Variants in CADM2 observed in about 807,000 individuals in gnomAD.
CADM2 encodes cell adhesion molecule 2.
CADM2 carries 12 observed loss-of-function variants against 49.8 expected under a neutral mutation model. The observed-to-expected ratio is 0.24, with a 90% CI of 0.15 to 0.39. CADM2 has a LOEUF of 0.39. CADM2 is among the 10% of genes least tolerant of loss of function. The probability of loss-of-function intolerance (pLI) is 1.00; values close to 1 mark genes in which losing one functional copy is unlikely to be tolerated. For missense variants in CADM2, 378 were observed against 492.3 expected (o/e 0.77, Z 2.20); for synonymous variants, 214 against 175.4 (o/e 1.22, Z -1.74).
At chr3:85,197,141 A>G (rs1395747615) in intron 1 of CADM2, among the ~76,000 whole-genome samples, 2 of 151,866 alleles carry the variant, frequency 1.3e-5, no homozygotes, top group Non-Finnish European at 2.9e-5. Flanking sequence ...GAAGAATCAA[A>G]TGTATTGTGC....
At chr3:85,565,565 A>C (rs1031231140) in intron 1 of CADM2, among the ~76,000 whole-genome samples, 5 of 152,106 alleles carry the variant, frequency 3.3e-5, no homozygotes, top group African/African-American at 1.2e-4. Flanking sequence ...TCCACCATAA[A>C]AAAATACCTT....
chr3:85,011,605 T>C (rs1466897403), intron 1 of CADM2, among the ~76,000 whole-genome samples: 1 of 152,174 alleles, frequency 6.6e-6, no homozygotes, highest in Non-Finnish European at 1.5e-5. Context: ...GTCAGTAGAA[T>C]TTAGCAATCT....
chr3:85,767,196 A>G (rs2069701117), intron 2 of CADM2, among the ~76,000 whole-genome samples: 1 of 152,164 alleles, frequency 6.6e-6, no homozygotes, highest in Admixed American at 6.6e-5. Flanking sequence ...AGTTCACTCT[A>G]GTGATTTAAA....
intron 1 of CADM2, among the ~76,000 whole-genome samples, chr3:85,545,626 T>C (rs1344471290): frequency 6.6e-6 from 1 of 152,192 alleles, no homozygotes; most frequent in Non-Finnish European, 1.5e-5. Flanking sequence ...CTAGATGCTC[T>C]GAAACTATGA....
intron 3 of CADM2, among the ~76,000 whole-genome samples, chr3:85,881,442 A>C (rs1712758100): frequency 6.6e-6 from 1 of 152,074 alleles, no homozygotes; most frequent in South Asian, 2.1e-4. Flanking sequence ...TAGTATGACT[A>C]GTAAGTTTTT....
At chr3:85,240,081 G>A (rs1056965650) in intron 1 of CADM2, among the ~76,000 whole-genome samples, 8 of 151,206 alleles carry the variant, frequency 5.3e-5, no homozygotes, top group African/African-American at 1.7e-4. Context: ...CTTTGGTTTG[G>A]TATCATTCAT....
At chr3:85,304,319 G>A (rs2044165592) in intron 1 of CADM2, among the ~76,000 whole-genome samples, 1 of 151,568 alleles carries the variant, frequency 6.6e-6, no homozygotes, top group Non-Finnish European at 1.5e-5. Flanking sequence ...AGTTTCAAAC[G>A]GTATATCATA....
chr3:85,855,604 TATATATATATATAAA>T (rs2075280772), intron 3 of CADM2, among the ~76,000 whole-genome samples: 1 of 39,234 alleles, frequency 2.5e-5, no homozygotes, highest in African/African-American at 9.5e-5. Flanking sequence ...ATATAAAACA[TATATATATATATAAA>T]ACATATATAT....
In CADM2 at chr3:85,386,565, CA is replaced by C. The variant is rs2034244380; in HGVS notation, c.62-339954del. On this transcript the variant is annotated intron_variant, in intron 1 of 9. Coordinates refer to ENST00000383699, the MANE Select transcript of CADM2 (RefSeq NM_001167675.2). ...CAGCTAGAATATAAAAACAGAATTT[CA>C]AACCTGGGCTGTGCTTCTCACTGAC... 5.9e-5 allele frequency among the ~76,000 whole-genome samples: 9 copies of C among 152,304 alleles called. No individual in the cohort carries two copies. In the South Asian group the frequency reaches 1.9e-3, roughly 32 times the overall value.
intron 8 of CADM2, among the ~76,000 whole-genome samples, chr3:86,032,284 A>G (rs1734646218): frequency 6.6e-6 from 1 of 151,830 alleles, no homozygotes; most frequent in Admixed American, 6.6e-5. Flanking sequence ...TATGCCAGTT[A>G]TCAAACAGGT....
intron 3 of CADM2, among the ~76,000 whole-genome samples, chr3:85,816,369 A>G (rs2073203918): frequency 6.6e-6 from 1 of 152,062 alleles, no homozygotes; most frequent in Non-Finnish European, 1.5e-5. Flanking sequence ...TTCAGCTTAT[A>G]ATAGGTGCCT....
intron 2 of CADM2, among the ~76,000 whole-genome samples, chr3:85,749,149 T>C (rs1037104760): frequency 3.3e-5 from 5 of 152,022 alleles, no homozygotes; most frequent in Non-Finnish European, 7.4e-5. Context: ...AACAGGTGTA[T>C]ACTTTTGAAA....
chr3:85,227,655 T>C (rs1365015755), intron 1 of CADM2, among the ~76,000 whole-genome samples: 1 of 152,142 alleles, frequency 6.6e-6, no homozygotes, highest in Non-Finnish European at 1.5e-5. Context: ...AATTTTGTTA[T>C]GTGTGAATTT....
intron 2 of CADM2, among the ~76,000 whole-genome samples, chr3:85,769,130 A>T (rs2069841318): frequency 1.9e-5 from 1 of 52,538 alleles, no homozygotes; most frequent in African/African-American, 1.1e-4. Context: ...ACATATATAC[A>T]TATATAGTAT....
intron 1 of CADM2, among the ~76,000 whole-genome samples, chr3:85,275,789 T>C (rs192338106): frequency 7.3e-5 from 11 of 151,234 alleles, no homozygotes; most frequent in Admixed American, 2.6e-4. Context: ...AATAAGTAAA[T>C]ATAAAATTGA....
chr3:85,730,163 C>G (rs1003093206), intron 2 of CADM2, among the ~76,000 whole-genome samples: 8 of 152,192 alleles, frequency 5.3e-5, no homozygotes, highest in Admixed American at 4.6e-4. Context: ...CATTCCTGGC[C>G]GGGTGCAGTG....
chr3:85,375,651 G>A (rs922592085), intron 1 of CADM2, among the ~76,000 whole-genome samples: 5 of 152,052 alleles, frequency 3.3e-5, no homozygotes, highest in African/African-American at 9.7e-5. Context: ...ATGCCAACAC[G>A]AACAAACGAA....
intron 8 of CADM2, among the ~76,000 whole-genome samples, chr3:86,006,671 A>G (rs1730829799): frequency 6.6e-6 from 1 of 152,154 alleles, no homozygotes; most frequent in Non-Finnish European, 1.5e-5. Context: ...TAGAGACATG[A>G]GTAGGGTGTT....
chr3:85,628,349 A>G (rs1422784207), intron 1 of CADM2, among the ~76,000 whole-genome samples: 1 of 151,714 alleles, frequency 6.6e-6, no homozygotes, highest in Non-Finnish European at 1.5e-5. Flanking sequence ...CTTTACTGCT[A>G]AACAAAAAAT....
Sources: allele counts gnomAD v4.1 joint callset (sites outside exome capture counted in the v4.1 genomes callset), GRCh38; gene constraint gnomAD v4.1.1; transcripts MANE v1.5; gene names NCBI Gene and HGNC (gene_info 2026-07-23, HGNC 2026-07-21).